The following FGF12 variants were observed in gnomAD, a reference collection of about 807,000 sequenced individuals.
FGF12 encodes fibroblast growth factor 12, also known as fibroblast growth factor 12B.
Under a neutral mutation model 23.6 loss-of-function variants are expected in FGF12, and 14 were observed. The ratio of observed to expected loss-of-function variants is 0.59; its 90% CI spans 0.39 to 0.93. FGF12 has a LOEUF of 0.93. Ranked by LOEUF, FGF12 falls within the 40% of genes least tolerant of loss-of-function variation. The probability of loss-of-function intolerance (pLI) is 0.00; values close to 1 mark genes in which losing one functional copy is unlikely to be tolerated. For missense variants in FGF12, 175 were observed against 217.8 expected (o/e 0.80, Z 1.24); for synonymous variants, 62 against 77.3 (o/e 0.80, Z 1.04).
intron 4 of FGF12, among the ~76,000 whole-genome samples, chr3:192,298,836 A>T (rs938008887): frequency 6.6e-6 from 1 of 152,190 alleles, no homozygotes; most frequent in African/African-American, 2.4e-5. Flanking sequence ...GACTCAGGAA[A>T]CTTCTGGTCA....
chr3:192,617,125 C>G (rs1469019928), intron 2 of FGF12, among the ~76,000 whole-genome samples: 1 of 151,982 alleles, frequency 6.6e-6, no homozygotes, highest in Non-Finnish European at 1.5e-5. Context: ...AGAAGGAATT[C>G]AGGCTTATTT....
chr3:192,582,438 T>G (rs1050218503), intron 2 of FGF12, among the ~76,000 whole-genome samples: 1 of 152,178 alleles, frequency 6.6e-6, no homozygotes, highest in Admixed American at 6.5e-5. Flanking sequence ...ATACATAGTT[T>G]AGCAAGTTAT....
At chr3:192,544,402 C>G (rs1381113460) in intron 2 of FGF12, among the ~76,000 whole-genome samples, 1 of 152,064 alleles carries the variant, frequency 6.6e-6, no homozygotes, top group African/African-American at 2.4e-5. Flanking sequence ...GATAGTTGTT[C>G]AATTTGTTAT....
rs116259543 is a variant in FGF12, at chr3:192,429,441, T to C, written c.14-68903A>G. Among the ~76,000 whole-genome samples, 320 of 152,266 alleles carry C rather than the reference T, an allele frequency of 2.1e-3. 1 individual carries two copies. The highest frequency in any genetic ancestry group is 7.5e-3 in the African/African-American group (310 of 41,564). On this transcript the variant is annotated intron_variant, in intron 2 of 5. Coordinates refer to ENST00000445105, the MANE Select transcript of FGF12 (RefSeq NM_004113.6). ...TTCCCCCTCCAACATTTTTCTCTTA[T>C]TTCTCCTTGTCTTCCTTTATGTGCT...
intron 4 of FGF12, among the ~76,000 whole-genome samples, chr3:192,192,186 T>C (rs1192952657): frequency 2.0e-5 from 3 of 152,122 alleles, no homozygotes; most frequent in Non-Finnish European, 4.4e-5. Flanking sequence ...TTTCACTTAA[T>C]GGAGAAATAA....
At chr3:192,615,293 G>C (rs2108643061) in intron 2 of FGF12, among the ~76,000 whole-genome samples, 1 of 152,032 alleles carries the variant, frequency 6.6e-6, no homozygotes, top group East Asian at 1.9e-4. Flanking sequence ...TATTCTATTA[G>C]AAGATGAAAA....
At chr3:192,292,676 C>T (rs1241402918) in intron 4 of FGF12, among the ~76,000 whole-genome samples, 1 of 152,126 alleles carries the variant, frequency 6.6e-6, no homozygotes, top group African/African-American at 2.4e-5. Context: ...TAAAGTCAGT[C>T]TCTCTCTCTG....
At chr3:192,449,443 G>T (rs1291362071) in intron 2 of FGF12, among the ~76,000 whole-genome samples, 2 of 152,096 alleles carry the variant, frequency 1.3e-5, no homozygotes, top group East Asian at 3.9e-4. Context: ...CTCCCAATGT[G>T]GACACCATGC....
rs1471694376 is a variant in FGF12 at position 192,336,549 on chromosome 3, A to G, written c.125-1085T>C. On this transcript the variant is annotated intron_variant, in intron 3 of 5. Coordinates refer to ENST00000445105, the MANE Select transcript of FGF12 (RefSeq NM_004113.6). This position sits in a 1 kb window ranked among gnomAD's most constrained non-coding sequence, Gnocchi z 4.3. ...ATATAGTTAGGCTCTATAGATGGCA[A>G]CATGGAGATGAATTAAGTATCTCAC... Among the ~76,000 whole-genome samples the G allele has an allele frequency of 2.0e-5, 3 of 151,372 alleles. No individual in the cohort carries two copies. Among genetic ancestry groups the G allele is most frequent in the Non-Finnish European group, 4.4e-5 (3 of 67,556 alleles).
At chr3:192,331,308 T>C (rs1361616466) in intron 4 of FGF12, among the ~76,000 whole-genome samples, 2 of 119,912 alleles carry the variant, frequency 1.7e-5, no homozygotes, top group Non-Finnish European at 3.3e-5. Flanking sequence ...TATGGAGTTT[T>C]CTCAAAAAAA....
At chr3:192,311,449 A>G (rs78292992) in intron 4 of FGF12, among the ~76,000 whole-genome samples, 4 of 152,114 alleles carry the variant, frequency 2.6e-5, no homozygotes, top group Admixed American at 6.6e-5. Flanking sequence ...TCATGGTTCA[A>G]TCTTATCGTA....
chr3:192,260,753 T>C (rs946475590), intron 4 of FGF12, among the ~76,000 whole-genome samples: 3 of 152,140 alleles, frequency 2.0e-5, no homozygotes, highest in Non-Finnish European at 2.9e-5. Context: ...GTGTTATCTC[T>C]CTGCAATGGA....
chr3:192,318,942 C>T (rs1716384123), intron 4 of FGF12, among the ~76,000 whole-genome samples: 1 of 151,842 alleles, frequency 6.6e-6, no homozygotes, highest in Non-Finnish European at 1.5e-5. Context: ...AATGGCATGA[C>T]ATATTTAAAG....
At chr3:192,565,743 A>G (rs1712244207) in intron 2 of FGF12, among the ~76,000 whole-genome samples, 2 of 152,186 alleles carry the variant, frequency 1.3e-5, no homozygotes, top group African/African-American at 4.8e-5. Flanking sequence ...TCACACAAAG[A>G]CAGAACTACC....
chr3:192,346,554 CT>C (rs1356878287), intron 3 of FGF12, among the ~76,000 whole-genome samples: 1 of 151,998 alleles, frequency 6.6e-6, no homozygotes, highest in Non-Finnish European at 1.5e-5. Context: ...AATGTAAAAC[CT>C]TTTATGCTCT....
chr3:192,412,422 G>C (rs1350166222), intron 2 of FGF12, among the ~76,000 whole-genome samples: 1 of 152,214 alleles, frequency 6.6e-6, no homozygotes, highest in Non-Finnish European at 1.5e-5. Context: ...ACAACATCAA[G>C]TTAGGCATTT....
chr3:192,476,454 A>G (rs1301199236), intron 2 of FGF12, among the ~76,000 whole-genome samples: 1 of 152,206 alleles, frequency 6.6e-6, no homozygotes, highest in Non-Finnish European at 1.5e-5. Context: ...TCATTTTACC[A>G]CAACATATGG....
At chr3:192,264,358 C>A (rs190744465) in intron 4 of FGF12, among the ~76,000 whole-genome samples, 2 of 151,582 alleles carry the variant, frequency 1.3e-5, no homozygotes, top group African/African-American at 2.4e-5. Context: ...ATTTTTTTGA[C>A]GATATTGATG....
At chr3:192,640,163 A>T (rs983759689) in intron 2 of FGF12, among the ~76,000 whole-genome samples, 2 of 152,196 alleles carry the variant, frequency 1.3e-5, no homozygotes, top group East Asian at 3.9e-4. Flanking sequence ...ACAGCTAATA[A>T]ATGTGTGCTG....
Sources: allele counts gnomAD v4.1 joint callset (sites outside exome capture counted in the v4.1 genomes callset), GRCh38; gene constraint gnomAD v4.1.1; non-coding constraint Gnocchi (gnomAD v3.1); transcripts MANE v1.5; gene names NCBI Gene and HGNC (gene_info 2026-07-23, HGNC 2026-07-21).